SRBD1: variants seen among roughly 807,000 people sequenced by gnomAD.
SRBD1 encodes the protein S1 RNA-binding domain-containing protein 1.
In SRBD1, 88 loss-of-function variants were observed where a neutral mutation model predicts 115.3. The observed-to-expected ratio is 0.76, with a 90% CI of 0.64 to 0.91. SRBD1 has a LOEUF of 0.91. Among genes scored for constraint, SRBD1 ranks in the 40% least tolerant of loss-of-function variants. The pLI is 0.00. For missense variants in SRBD1, 1,385 were observed against 1,177.4 expected, an observed-to-expected ratio of 1.18 and a Z score of -2.58; for synonymous variants, 509 against 407.7, an observed-to-expected ratio of 1.25 and a Z score of -2.99.
At chr2:45,393,202 C>T in intron 19 of SRBD1, 73 bp from the exon 20 acceptor site, 7 of 1,429,172 alleles carry the variant, frequency 4.9e-6, no homozygotes, top group Non-Finnish European at 6.5e-6. Flanking sequence ...TACAGATCAC[C>T]CTAAAATTCA....
intron 10 of SRBD1, among the ~76,000 whole-genome samples, chr2:45,561,054 C>A (rs1672647726): frequency 6.6e-6 from 1 of 152,034 alleles, no homozygotes; most frequent in Non-Finnish European, 1.5e-5. Flanking sequence ...CTGTAGTGAG[C>A]TATGATAGCA....
chr2:45,542,739 A>C (rs1403336423), intron 14 of SRBD1, among the ~76,000 whole-genome samples: 2 of 152,250 alleles, frequency 1.3e-5, no homozygotes, highest in Non-Finnish European at 2.9e-5. Context: ...ATCCATACAG[A>C]CTTGTAAATG....
chr2:45,418,686 A>C (rs1343440845), intron 17 of SRBD1, 145 bp from the exon 18 acceptor site: 90 of 719,472 alleles, frequency 1.3e-4, no homozygotes, highest in Non-Finnish European at 1.4e-4. Context: ...TAAAAAAAAA[A>C]ACAAAAAAAA....
At chr2:45,581,933 T>C in intron 5 of SRBD1, 123 bp from the exon 6 acceptor site, 3 of 723,334 alleles carry the variant, frequency 4.1e-6, no homozygotes, top group East Asian at 5.1e-5. Context: ...TCTGAACTGT[T>C]TGAGAATAAG....
intron 17 of SRBD1, 28 bp downstream of exon 17, chr2:45,419,760 G>C: frequency 1.3e-6 from 2 of 1,599,270 alleles, no homozygotes; most frequent in Non-Finnish European, 1.7e-6. Flanking sequence ...TCAAGATTCT[G>C]TGATCTTCAG....
chr2:45,481,506 T>C (rs1318380331), intron 15 of SRBD1, among the ~76,000 whole-genome samples: 1 of 151,954 alleles, frequency 6.6e-6, no homozygotes, highest in Non-Finnish European at 1.5e-5. Flanking sequence ...AAGGAGGAAG[T>C]AATGAAAGAG....
intron 20 of SRBD1, 51 bp downstream of exon 20, chr2:45,392,894 A>C (rs749388680): frequency 6.7e-7 from 1 of 1,492,548 alleles, no homozygotes; most frequent in African/African-American, 1.4e-5. Flanking sequence ...CAAAGGAGAT[A>C]ATGGGAGCTA....
chr2:45,514,916 G>A (rs1382166841), intron 14 of SRBD1, among the ~76,000 whole-genome samples: 1 of 152,118 alleles, frequency 6.6e-6, no homozygotes, highest in Non-Finnish European at 1.5e-5. Context: ...GTCTATCTTA[G>A]ACTATGAACA....
At chr2:45,573,654 C>T (rs945670710) in intron 8 of SRBD1, among the ~76,000 whole-genome samples, 5 of 151,962 alleles carry the variant, frequency 3.3e-5, no homozygotes, top group African/African-American at 9.7e-5. Context: ...TAGCTCTGAT[C>T]TAAATATCAG....
rs869298079 is a variant in SRBD1, at chr2:45,421,510, C to CAAA, written c.2050-1619_2050-1617dup. ...TGACGGTGTGAGACTCCGTCTCAAACAAAAAAAAAAAAAAAAAAAAAAAAA... is the reference window on the plus strand; with the variant it reads ...TGACGGTGTGAGACTCCGTCTCAAACAAAAAAAAAAAAAAAAAAAAAAAAAAAA... On this transcript the variant is annotated intron_variant, in intron 16 of 20. Transcript: ENST00000263736. 4.9e-3 allele frequency among the ~76,000 whole-genome samples: 110 copies of CAAA among 22,292 alleles called. 1 individual carries two copies. Among genetic ancestry groups the CAAA allele is most frequent in the East Asian group, 9.8e-3 (12 of 1,226 alleles). The allele number at this position is 22,292 out of a possible 152,430, so 14.6% of individuals were successfully genotyped here.
chr2:45,553,289 C>G (rs920158102), intron 11 of SRBD1, among the ~76,000 whole-genome samples: 27 of 152,186 alleles, frequency 1.8e-4, no homozygotes, highest in African/African-American at 6.3e-4. Context: ...GTAATTGATT[C>G]ATCATGTACC....
At chr2:45,524,696 G>A (rs947884799) in intron 14 of SRBD1, among the ~76,000 whole-genome samples, 1 of 151,920 alleles carries the variant, frequency 6.6e-6, no homozygotes, top group Admixed American at 6.6e-5. Context: ...AAAGACTTAA[G>A]ATTGTAAAAA....
intron 16 of SRBD1, among the ~76,000 whole-genome samples, chr2:45,466,573 T>A (rs1572671961): frequency 6.6e-6 from 1 of 152,334 alleles, no homozygotes; most frequent in South Asian, 2.1e-4. Flanking sequence ...CCAGTGAAAT[T>A]ATTTTTATGG....
chr2:45,575,484 C>A (rs1673148648), intron 7 of SRBD1, among the ~76,000 whole-genome samples: 1 of 152,128 alleles, frequency 6.6e-6, no homozygotes, highest in South Asian at 2.1e-4. Flanking sequence ...GTTTTTTGCA[C>A]TAAACCTGAA....
chr2:45,586,820 T>G (rs1233409323), intron 4 of SRBD1, among the ~76,000 whole-genome samples: 1 of 151,392 alleles, frequency 6.6e-6, no homozygotes, highest in East Asian at 1.9e-4. Flanking sequence ...GTGCTGGGAT[T>G]ACTGGCATGA....
chr2:45,593,714 C>T (rs551669781), intron 4 of SRBD1, among the ~76,000 whole-genome samples: 1 of 152,270 alleles, frequency 6.6e-6, no homozygotes, highest in South Asian at 2.1e-4. Flanking sequence ...CCCAAACCAG[C>T]GACTGGCCAC....
At position 45,578,716 on chromosome 2, in the gene SRBD1, C is replaced by G. The variant is rs573132821; in HGVS notation, c.1072+1159G>C. Among the ~76,000 whole-genome samples, 12 of 152,128 alleles carry G rather than the reference C, an allele frequency of 7.9e-5. No individual in the cohort carries two copies. The South Asian group carries it at 8.3e-4, about 11-fold the overall frequency. On this transcript the variant is annotated intron_variant, in intron 7 of 20. Transcript: ENST00000263736. ...TGGAGGTGGGGGCGGGGTGGAAAGA[C>G]GTAGGTCAAAGGGTACAAAGTTGTA...
At chr2:45,524,547 G>A (rs1322325361) in intron 14 of SRBD1, among the ~76,000 whole-genome samples, 3 of 151,832 alleles carry the variant, frequency 2.0e-5, no homozygotes, top group African/African-American at 4.8e-5. Context: ...ATTTACAACA[G>A]CATCAAGAAC....
chr2:45,510,057 T>G (rs1260945447), intron 14 of SRBD1, among the ~76,000 whole-genome samples: 1 of 152,226 alleles, frequency 6.6e-6, no homozygotes, highest in Non-Finnish European at 1.5e-5. Flanking sequence ...AAACACCTAT[T>G]TCATTTCTAG....
Sources: allele counts gnomAD v4.1 joint callset (sites outside exome capture counted in the v4.1 genomes callset), GRCh38; gene constraint gnomAD v4.1.1; transcripts MANE v1.5; gene names NCBI Gene and HGNC (gene_info 2026-07-23, HGNC 2026-07-21).